RNF182: variants seen among roughly 807,000 people sequenced by gnomAD.
The protein encoded by RNF182 is ring finger protein 182, also known as E3 ubiquitin-protein ligase RNF182.
A neutral mutation model predicts 14.4 loss-of-function variants in RNF182; 15 were observed. That is an observed-to-expected ratio of 1.04 (90% CI 0.70 to 1.60). The LOEUF (loss-of-function observed/expected upper bound fraction) is 1.60, where lower values mean the gene tolerates loss of function less well. Among genes scored for constraint, RNF182 ranks in the 40% most tolerant of loss-of-function variants. The pLI is 0.00. For synonymous variants in RNF182, 128 were observed against 122.9 expected, an observed-to-expected ratio of 1.04 and a Z score of -0.27; for missense variants, 268 against 294.8, an observed-to-expected ratio of 0.91 and a Z score of 0.67.
Position 13,978,176 on chromosome 6 carries a change from A to G in RNF182, c.*313A>G, listed in dbSNP as rs570496229. On this transcript the variant is annotated 3_prime_UTR_variant, in exon 3 of 3. Transcript: ENST00000488300. ...GCAGGGGTGTGGTGTGTTATACTAT[A>G]GGGAGAGCATGGATCCCTCCTTTCG... 3.9e-6 allele frequency: 1 copy of G among 258,458 alleles called. No individual in the cohort carries two copies. The highest frequency in any genetic ancestry group is 4.9e-5 in the Admixed American group (1 of 20,332). 16.0% of individuals were successfully genotyped at this position (258,458 alleles called of 1,614,324 possible).
intron 1 of RNF182, among the ~76,000 whole-genome samples, chr6:13,927,430 C>A (rs1406968893): frequency 6.6e-6 from 1 of 152,120 alleles, no homozygotes; most frequent in African/African-American, 2.4e-5. Context: ...GAGTAGGAGT[C>A]TTTTCCTGCA....
At chr6:13,949,790 C>T (rs1759537939) in intron 1 of RNF182, 1 of 155,358 alleles carries the variant, frequency 6.4e-6, no homozygotes, top group African/African-American at 2.4e-5. Flanking sequence ...CATACAGTGC[C>T]AACGTTAAAC....
chr6:13,959,086 C>T (rs1192360533), intron 1 of RNF182, among the ~76,000 whole-genome samples: 1 of 152,184 alleles, frequency 6.6e-6, no homozygotes, highest in African/African-American at 2.4e-5. Context: ...TGCAGATGTC[C>T]AGTCCTGAAC....
chr6:13,972,235 G>A (rs776729774), intron 1 of RNF182, among the ~76,000 whole-genome samples: 1 of 151,594 alleles, frequency 6.6e-6, no homozygotes, highest in African/African-American at 2.4e-5. Context: ...TACCCAGGAG[G>A]TGGAACTTGC....
At chr6:13,971,961 A>G (rs746217389) in intron 1 of RNF182, among the ~76,000 whole-genome samples, 1 of 152,186 alleles carries the variant, frequency 6.6e-6, no homozygotes, top group Non-Finnish European at 1.5e-5. Flanking sequence ...ATTCAGTTTT[A>G]TGTATTCACA....
At chr6:13,948,338 C>A (rs1191323783) in intron 1 of RNF182, among the ~76,000 whole-genome samples, 1 of 152,144 alleles carries the variant, frequency 6.6e-6, no homozygotes, top group Non-Finnish European at 1.5e-5. Flanking sequence ...AGGGCAGCTA[C>A]AGTCAGAGAC....
chr6:13,934,190 A>G (rs911548493), intron 1 of RNF182, among the ~76,000 whole-genome samples: 2 of 152,200 alleles, frequency 1.3e-5, no homozygotes, highest in East Asian at 1.9e-4. Context: ...CAAGTGCTCA[A>G]TAGCCAAACA....
intron 1 of RNF182, among the ~76,000 whole-genome samples, chr6:13,925,918 G>A (rs1320088716): frequency 6.6e-6 from 1 of 152,118 alleles, no homozygotes; most frequent in African/African-American, 2.4e-5. Flanking sequence ...ATCATTTCGT[G>A]ATAGTTTGTT....
At chr6:13,943,320 C>A (rs190479667) in intron 1 of RNF182, among the ~76,000 whole-genome samples, 2 of 151,302 alleles carry the variant, frequency 1.3e-5, no homozygotes, top group African/African-American at 2.4e-5. Context: ...AGGGTCTCAC[C>A]GTGTTGTCCA....
intron 1 of RNF182, among the ~76,000 whole-genome samples, chr6:13,936,799 A>G (rs1273754409): frequency 1.3e-5 from 2 of 152,238 alleles, no homozygotes; most frequent in Non-Finnish European, 2.9e-5. Flanking sequence ...CCAGGAAAGC[A>G]GGCAAATATG....
chr6:13,955,741 A>C (rs562382970), intron 1 of RNF182, among the ~76,000 whole-genome samples: 1 of 152,068 alleles, frequency 6.6e-6, no homozygotes, highest in Non-Finnish European at 1.5e-5. Context: ...ATGATCCACC[A>C]TGGTACCATT....
chr6:13,979,149 T>C lies in RNF182; in HGVS notation c.*1286T>C, dbSNP rs1760429017. 1 of 167,104 alleles carries C rather than the reference T, an allele frequency of 6.0e-6. No individual in the cohort carries two copies. The highest frequency in any genetic ancestry group is 1.5e-5 in the Non-Finnish European group (1 of 68,112). The allele number at this position is 167,104 out of a possible 1,614,324, so 10.4% of individuals were successfully genotyped here. A position where few individuals can be genotyped will look rare whatever the true frequency, so the allele number is the denominator to read the frequency against. On this transcript the variant is annotated 3_prime_UTR_variant, in exon 3 of 3. Coordinates refer to ENST00000488300, the MANE Select transcript of RNF182 (RefSeq NM_152737.4). ...AAGTTCTTACACAATTTATTTTGAA[T>C]ACAAGCATAATCTAGGTGATTTGAG... is the stretch of plus-strand genomic sequence containing the variant.
chr6:13,979,212 T>A lies in RNF182; in HGVS notation c.*1349T>A, dbSNP rs1176242299. 1 of 166,798 alleles carries A rather than the reference T, an allele frequency of 6.0e-6. No homozygotes were observed. The highest frequency in any genetic ancestry group is 1.5e-5 in the Non-Finnish European group (1 of 68,084). The allele number at this position is 166,798 out of a possible 1,614,324, so 10.3% of individuals were successfully genotyped here. ...TTTTCATGATGTAGGGAAAGTTGAA[T>A]GTATATATTTCTAAGAAGAATTTGT... On this transcript the variant is annotated 3_prime_UTR_variant, in exon 3 of 3. Coordinates refer to ENST00000488300, the MANE Select transcript of RNF182 (RefSeq NM_152737.4).
rs771949835 is a variant in RNF182 at position 13,977,347 on chromosome 6, T to A, written c.228T>A (p.Asp76Glu). The A allele has an allele frequency of 1.3e-5, 21 of 1,614,056 alleles. No homozygotes were observed. The African/African-American group carries it at 1.6e-4, about 12-fold the overall frequency. Residue 76 changes from aspartate to glutamate, a missense_variant, in exon 3 of 3, where the codon GAT (aspartate) becomes GAA (glutamate). Coordinates refer to ENST00000488300, the MANE Select transcript of RNF182 (RefSeq NM_152737.4). ...GGTTTGAGACGTGCCTGCCAGATGA[T>A]GAAGTTAGTAGCCTGCCCGATGACA... The part of the protein sequence containing the change: ...FCRFETCLPD[D>E]EVSSLPDDNN...
chr6:13,937,009 G>A (rs922761652), intron 1 of RNF182, among the ~76,000 whole-genome samples: 5 of 152,128 alleles, frequency 3.3e-5, no homozygotes, highest in Admixed American at 6.5e-5. Context: ...TTAGGAAGAC[G>A]TTAAAATATG....
At chr6:13,953,550 C>T (rs569596725) in intron 1 of RNF182, among the ~76,000 whole-genome samples, 5 of 152,050 alleles carry the variant, frequency 3.3e-5, no homozygotes, top group African/African-American at 4.8e-5. Context: ...TTTATATTCA[C>T]GAGTCATGGA....
Position 13,978,015 on chromosome 6 carries a change from G to A in RNF182, c.*152G>A, listed in dbSNP as rs73724008. 5.9e-4 allele frequency: 520 copies of A among 878,420 alleles called. 4 individuals are homozygous for A. In the African/African-American group the frequency reaches 8.1e-3, roughly 14 times the overall value. The allele number at this position is 878,420 out of a possible 1,614,324, so 54.4% of individuals were successfully genotyped here. ...ACATGTTGACTTGATTGGTTTTCCTGTAGGCTGGAAGTAAAAATGTTCATT... is the reference window on the plus strand; with the variant it reads ...ACATGTTGACTTGATTGGTTTTCCTATAGGCTGGAAGTAAAAATGTTCATT... On this transcript the variant is annotated 3_prime_UTR_variant, in exon 3 of 3. Coordinates refer to ENST00000488300, the MANE Select transcript of RNF182 (RefSeq NM_152737.4).
At chr6:13,951,075 G>C (rs558412069) in intron 1 of RNF182, among the ~76,000 whole-genome samples, 2 of 152,208 alleles carry the variant, frequency 1.3e-5, no homozygotes, top group African/African-American at 4.8e-5. Context: ...GAGATTACAG[G>C]TGTGAGCCAT....
intron 1 of RNF182, among the ~76,000 whole-genome samples, chr6:13,955,556 CT>C (rs1382761623): frequency 6.6e-6 from 1 of 152,160 alleles, no homozygotes; most frequent in Non-Finnish European, 1.5e-5. Context: ...GTGTTTCAGT[CT>C]TTCTGGACTT....
Sources: gnomAD v4.1 joint callset for allele counts (sites outside exome capture counted in the v4.1 genomes callset) on GRCh38, gnomAD v4.1.1 for gene constraint, MANE v1.5 for transcripts, NCBI Gene and HGNC (gene_info 2026-07-23, HGNC 2026-07-21) for gene names.